DSP: variants seen among roughly 807,000 people sequenced by gnomAD.
DSP encodes the protein 250/210 kDa paraneoplastic pemphigus antigen.
A neutral mutation model predicts 290.6 loss-of-function variants in DSP; 114 were observed. The observed-to-expected ratio is 0.39, with a 90% confidence interval of 0.34 to 0.46. DSP has a LOEUF of 0.46. Among genes scored for constraint, DSP ranks in the 20% least tolerant of loss-of-function variants. The pLI, the probability that DSP is intolerant of heterozygous loss-of-function variation, is 0.99. For synonymous variants in DSP, 1,311 were observed against 1,316.4 expected, an observed-to-expected ratio of 1.00 and a Z score of 0.09; for missense variants, 3,230 against 3,495.8, an observed-to-expected ratio of 0.92 and a Z score of 1.92.
intron 11 of DSP, 58 bp downstream of exon 11, chr6:7,568,647 G>A: frequency 6.3e-7 from 1 of 1,597,212 alleles, no homozygotes; most frequent in Non-Finnish European, 8.6e-7. Context: ...ACAAATTTTT[G>A]TCCATCAAGA....
chr6:7,562,583 G>A, intron 4 of DSP, 69 bp from the exon 5 acceptor site: 2 of 1,609,532 alleles, frequency 1.2e-6, no homozygotes, highest in East Asian at 4.5e-5. Flanking sequence ...AGCCGTGATG[G>A]TGTGCGTAAG....
At position 7,582,174 on chromosome 6, in the gene DSP, A is replaced by G. The variant is rs1028465101; in HGVS notation, c.5380-468A>G. The stretch of plus-strand genomic sequence containing the variant: ...TGTGTGTGTGTGTGTGTGTATATCT[A>G]TATATTATATATATAATTATATAAT... On this transcript the variant is annotated intron_variant, in intron 23 of 23. Coordinates refer to ENST00000379802, the MANE Select transcript of DSP (RefSeq NM_004415.4). This position sits in a 1 kb window ranked among gnomAD's most constrained non-coding sequence, Gnocchi z 4.2. Among the ~76,000 whole-genome samples the G allele has an allele frequency of 6.8e-6, 1 of 146,812 alleles. No individual in the cohort carries two copies. Among genetic ancestry groups the G allele is most frequent in the Non-Finnish European group, 1.5e-5 (1 of 66,838 alleles).
intron 1 of DSP, among the ~76,000 whole-genome samples, chr6:7,553,738 G>A (rs1389673428): frequency 6.6e-6 from 1 of 152,186 alleles, no homozygotes; most frequent in Non-Finnish European, 1.5e-5. Context: ...GAGACTGGTT[G>A]CATTGGTGGT....
intron 1 of DSP, among the ~76,000 whole-genome samples, chr6:7,549,468 G>A (rs1221551237): frequency 6.6e-6 from 1 of 152,024 alleles, no homozygotes; most frequent in Non-Finnish European, 1.5e-5. Context: ...TAGAGGTAAA[G>A]TATCATCCTT....
chr6:7,542,199 C>A (rs1758010291), intron 1 of DSP, 114 bp downstream of exon 1: 2 of 1,421,490 alleles, frequency 1.4e-6, no homozygotes, highest in South Asian at 1.3e-5. Flanking sequence ...TTTTTTGCCC[C>A]AGGTCCCGAA....
rs1019234013 is a variant in DSP, at chr6:7,559,315, G to A, written c.512G>A (p.Gly171Asp). The change falls in exon 4 of 24, where the codon GGC becomes GAC. Residue 171 changes from glycine to aspartate, a missense_variant. By Grantham distance (94) the Gly-to-Asp change is moderately conservative. Transcript: ENST00000379802. ...VRRASSKGGG[G>D]YTCQSGSGWD... is the part of the protein sequence containing the mutation. ...AGGGCCAGCTCCAAGGGTGGTGGAGGCTACACTTGTCAGAGTGGCTCTGGC... is the reference window on the plus strand; with the variant it reads ...AGGGCCAGCTCCAAGGGTGGTGGAGACTACACTTGTCAGAGTGGCTCTGGC... The A allele has an allele frequency of 1.2e-6, 2 of 1,613,932 alleles. No homozygotes were observed. The highest frequency in any genetic ancestry group is 1.7e-6 in the Non-Finnish European group (2 of 1,180,032).
chr6:7,548,204 T>G (rs1758224043), intron 1 of DSP, among the ~76,000 whole-genome samples: 1 of 151,198 alleles, frequency 6.6e-6, no homozygotes, highest in Non-Finnish European at 1.5e-5. Flanking sequence ...GAGGCAGAGG[T>G]TGCAGCGAGC....
intron 18 of DSP, among the ~76,000 whole-genome samples, chr6:7,575,825 G>A (rs1266955915): frequency 3.3e-5 from 5 of 152,078 alleles, no homozygotes; most frequent in African/African-American, 9.7e-5. Flanking sequence ...AAAAGTTTAT[G>A]AAAATTAAAT....
rs753855393 is a variant in DSP at position 7,566,471 on chromosome 6, A to G, written c.1034A>G (p.Asp345Gly). The G allele has an allele frequency of 5.6e-6, 9 of 1,613,918 alleles. No individual in the cohort carries two copies. In the East Asian group the frequency reaches 1.6e-4, roughly 28 times the overall value. The change falls in exon 8 of 24, where the codon GAC becomes GGC. Residue 345 changes from aspartate (D) to glycine (G), a missense_variant. Physicochemically the swap from Asp to Gly is moderately conservative, Grantham distance 94. Around this residue, in one of 5 missense-constraint regions of DSP, gnomAD observed 646 missense variants for 684.3 expected, o/e 0.94. Transcript: ENST00000379802. Reference protein sequence around the residue: ...QLVLNQHPASDKIEAYMDTLQ... With the variant: ...QLVLNQHPASGKIEAYMDTLQ... Reference sequence around the variant, plus strand: ...GTCCTCAATCAGCATCCAGCTTCAGACAAAATTGAGGTAGGCTTCATGAGG... The same window carrying G: ...GTCCTCAATCAGCATCCAGCTTCAGGCAAAATTGAGGTAGGCTTCATGAGG...
Position 7,584,810 on chromosome 6 carries a change from G to A in DSP, c.7548G>A (p.Arg2516=), listed in dbSNP as rs756527780. 6.6e-5 allele frequency: 107 copies of A among 1,614,070 alleles called. No homozygotes were observed. In the Admixed American group the frequency reaches 1.7e-3, roughly 25 times the overall value. Residue 2516 remains arginine (R), a synonymous_variant, in exon 24 of 24, where the codon AGG becomes AGA. Coordinates refer to ENST00000379802, the MANE Select transcript of DSP (RefSeq NM_004415.4). This position sits in a 1 kb window ranked among gnomAD's most constrained non-coding sequence, Gnocchi z 6.4. ...TCACGGGATCAGATGGCTCCACCAG[G>A]GTGGTCCTGGTAGATAGAAAGACAG... ...ITITGSDGST[R]VVLVDRKTGS...
rs187929506 is a variant in DSP at position 7,566,139 on chromosome 6, G to A, written c.940-238G>A. On this transcript the variant is annotated intron_variant, in intron 7 of 23. Transcript: ENST00000379802. ...CCTGGGATTAGAAAACCTCAGGATGGATGTAGCTCTTCTTTCCTCCTGTGT... is the reference window on the plus strand; with the variant it reads ...CCTGGGATTAGAAAACCTCAGGATGAATGTAGCTCTTCTTTCCTCCTGTGT... Among the ~76,000 whole-genome samples, 3 of 152,230 alleles carry A rather than the reference G, an allele frequency of 2.0e-5. No homozygotes were observed. The East Asian group carries it at 5.8e-4, about 29-fold the overall frequency.
Position 7,569,286 on chromosome 6 carries a change from C to T in DSP, c.1520C>T (p.Ser507Phe), listed in dbSNP as rs1240326550. 1 of 1,614,150 alleles carries T rather than the reference C, an allele frequency of 6.2e-7. No individual in the cohort carries two copies. Among genetic ancestry groups the T allele is most frequent in the Non-Finnish European group, 8.5e-7 (1 of 1,180,042 alleles). Residue 507 changes from serine (S) to phenylalanine (F), a missense_variant, in exon 12 of 24, where the codon TCT (serine) becomes TTT (phenylalanine). Ser to Phe is a radical substitution (Grantham distance 155). This residue lies in a region of DSP where 646 missense variants were observed against 684.3 expected (regional missense o/e 0.94). Transcript: ENST00000379802. ...GGAGGCGTTGACATGCTTGTTCCCTCTGTGGGGCTGATCATCCCTCCTCCG... is the reference window on the plus strand; with the variant it reads ...GGAGGCGTTGACATGCTTGTTCCCTTTGTGGGGCTGATCATCCCTCCTCCG... ...GPGGVDMLVP[S>F]VGLIIPPPNP...
At chr6:7,556,135 AATGCAACC>A (rs1206395186) in intron 2 of DSP, among the ~76,000 whole-genome samples, 1 of 152,220 alleles carries the variant, frequency 6.6e-6, no homozygotes. Flanking sequence ...CCTTCTGAGA[AATGCAACC>A]TGGCATGTTT....
intron 2 of DSP, 23 bp downstream of exon 2, chr6:7,555,843 G>A (rs1039264986): frequency 7.5e-6 from 12 of 1,608,176 alleles, no homozygotes; most frequent in Middle Eastern, 1.7e-4. Context: ...TGTTCCCATC[G>A]CTTCTCCCAA....
At chr6:7,555,349 G>A (rs1375762747) in intron 1 of DSP, among the ~76,000 whole-genome samples, 8 of 152,090 alleles carry the variant, frequency 5.3e-5, no homozygotes, top group African/African-American at 1.9e-4. Context: ...ATAAGTGAAT[G>A]TTTTTATTCT....
rs1757990829 is a variant in DSP, at chr6:7,541,957, G to A, written c.42G>A (p.Leu14=). The change falls in exon 1 of 24, where the codon CTG becomes CTA. Residue 14 remains leucine (L), a synonymous_variant. Coordinates refer to ENST00000379802, the MANE Select transcript of DSP (RefSeq NM_004415.4). ...NGGSHPRINT[L]GRMIRAESGP... ...GCTCCCACCCGCGGATCAACACTCT[G>A]GGCCGCATGATCCGCGCCGAGTCTG... 1 of 1,608,994 alleles carries A rather than the reference G, an allele frequency of 6.2e-7. No individual in the cohort carries two copies. The highest frequency in any genetic ancestry group is 8.5e-7 in the Non-Finnish European group (1 of 1,178,648).
In DSP at chr6:7,574,131, C is replaced by G. The variant is rs1759151851; in HGVS notation, c.2176C>G (p.Leu726Val). ...AGCAATTGCTGAGGTTCTCAACCAG[C>G]TTAAAGATATGCTTGCCAACTTCAG... Reference protein sequence around the residue: ...SQAIAEVLNQLKDMLANFRGS... With the variant: ...SQAIAEVLNQVKDMLANFRGS... The change falls in exon 16 of 24, where the codon CTT becomes GTT. Residue 726 changes from leucine (L) to valine (V), a missense_variant. Leu to Val is a conservative substitution (Grantham distance 32, BLOSUM62 1). Transcript: ENST00000379802. 3.1e-6 allele frequency: 5 copies of G among 1,613,982 alleles called. No homozygotes were observed. Among genetic ancestry groups the G allele is most frequent in the Admixed American group, 1.7e-5 (1 of 59,998 alleles).
chr6:7,581,593 G>A, intron 23 of DSP, 24 bp downstream of exon 23: 1 of 1,610,302 alleles, frequency 6.2e-7, no homozygotes, highest in African/African-American at 1.3e-5. Flanking sequence ...CTTGATCACA[G>A]CTTCACTGTT....
rs765361049 is a variant in DSP, at chr6:7,574,638, C to G, written c.2298-19C>G. ...ATTATGTCACTGGCAATTTTATGTGCTTCTTTTGCTCTTTCCAGCTTATGC... is the reference window on the plus strand; with the variant it reads ...ATTATGTCACTGGCAATTTTATGTGGTTCTTTTGCTCTTTCCAGCTTATGC... On this transcript the variant is annotated intron_variant, in intron 16 of 23. Transcript: ENST00000379802. 1.9e-6 allele frequency: 3 copies of G among 1,613,898 alleles called. No individual in the cohort carries two copies. The highest frequency in any genetic ancestry group is 2.5e-6 in the Non-Finnish European group (3 of 1,179,858).
Sources: gnomAD v4.1 joint callset for allele counts (sites outside exome capture counted in the v4.1 genomes callset) on GRCh38, gnomAD v4.1.1 for gene constraint, gnomAD v4.1.1 regional missense constraint, Gnocchi (gnomAD v3.1) non-coding constraint, MANE v1.5 for transcripts, NCBI Gene and HGNC (gene_info 2026-07-23, HGNC 2026-07-21) for gene names.